The following SCAP variants were observed in gnomAD, a reference collection of about 807,000 sequenced individuals.
The protein encoded by SCAP is sterol regulatory element-binding protein cleavage-activating protein.
SCAP carries 65 observed loss-of-function variants against 123.6 expected under a neutral mutation model. The ratio of observed to expected loss-of-function variants is 0.53; its 90% CI spans 0.43 to 0.65. The LOEUF (loss-of-function observed/expected upper bound fraction) is 0.65. Ranked by LOEUF, SCAP falls within the 30% of genes least tolerant of loss-of-function variation. SCAP has a pLI of 0.00. For synonymous variants in SCAP, 740 were observed against 726.3 expected (o/e 1.02, Z -0.30); for missense variants, 1,398 against 1,712.5 (o/e 0.82, Z 3.24).
At chr3:47,470,271 G>T (rs184165230) in intron 1 of SCAP, among the ~76,000 whole-genome samples, 1 of 152,154 alleles carries the variant, frequency 6.6e-6, no homozygotes, top group African/African-American at 2.4e-5. Flanking sequence ...CAGGTAAGAA[G>T]ATTACTGCAT....
Position 47,461,212 on chromosome 3 carries a change from A to T in SCAP, c.-99+14587T>A, listed in dbSNP as rs565903936. Reference sequence around the variant, plus strand: ...AACCTAAGTGCTATGGGTTCTTGTCAAGTCACAATGTGTGAAGCCTCACAG... The same window carrying T: ...AACCTAAGTGCTATGGGTTCTTGTCTAGTCACAATGTGTGAAGCCTCACAG... On this transcript the variant is annotated intron_variant, in intron 1 of 22. Coordinates refer to ENST00000265565, the MANE Select transcript of SCAP (RefSeq NM_012235.4). Among the ~76,000 whole-genome samples the T allele has an allele frequency of 2.0e-5, 3 of 152,330 alleles. No individual in the cohort carries two copies. The East Asian group carries it at 5.8e-4, about 29-fold the overall frequency.
chr3:47,438,582 G>T (rs1159122199), intron 2 of SCAP, among the ~76,000 whole-genome samples: 2 of 152,270 alleles, frequency 1.3e-5, no homozygotes, highest in Admixed American at 1.3e-4. Context: ...GGGAGGCCGA[G>T]GTGGGTGGGT....
chr3:47,415,072 C>T (rs1168367685), intron 19 of SCAP, 26 bp downstream of exon 19: 2 of 1,586,912 alleles, frequency 1.3e-6, no homozygotes, highest in East Asian at 4.5e-5. Flanking sequence ...CAAGTGTGAA[C>T]ACCTGCCCAC....
At chr3:47,470,867 A>G (rs1708001470) in intron 1 of SCAP, among the ~76,000 whole-genome samples, 1 of 152,144 alleles carries the variant, frequency 6.6e-6, no homozygotes, top group East Asian at 1.9e-4. Context: ...TGTTTCAAGA[A>G]AAAAACAAAA....
At position 47,450,189 on chromosome 3, in the gene SCAP, G is replaced by T. The variant is rs1216752780; in HGVS notation, c.-98-7098C>A. On this transcript the variant is annotated intron_variant, in intron 1 of 22. Transcript: ENST00000265565. The stretch of plus-strand genomic sequence containing the variant: ...ATTTTTATATTTTTGGTAGAAACGG[G>T]GTTTCACCATGTTGGCCAGGCTGGT... Among the ~76,000 whole-genome samples, 3 of 123,548 alleles carry T rather than the reference G, an allele frequency of 2.4e-5. 1 individual carries two copies. The highest frequency in any genetic ancestry group is 8.3e-5 in the African/African-American group (3 of 36,112). 81.1% of individuals were successfully genotyped at this position (123,548 alleles called of 152,430 possible).
chr3:47,428,739 AG>A, intron 3 of SCAP, 69 bp from the exon 4 acceptor site: 1 of 1,559,054 alleles, frequency 6.4e-7, no homozygotes, highest in Non-Finnish European at 8.7e-7. Flanking sequence ...GTCCAATTCA[AG>A]GGATTTAATG....
chr3:47,470,643 A>G (rs1234886107), intron 1 of SCAP, among the ~76,000 whole-genome samples: 1 of 152,238 alleles, frequency 6.6e-6, no homozygotes. Context: ...CAGGCAGATC[A>G]CCGGAGGTCA....
At chr3:47,435,469 T>TACAC (rs57702290) in intron 2 of SCAP, among the ~76,000 whole-genome samples, 2,417 of 91,874 alleles carry the variant, frequency 0.026, 50 homozygotes, top group African/African-American at 0.051. Flanking sequence ...AATATAAACA[T>TACAC]ACACACACAC....
In SCAP at chr3:47,454,292, C is replaced by T. The variant is rs568682671; in HGVS notation, c.-98-11201G>A. 2.6e-4 allele frequency among the ~76,000 whole-genome samples: 39 copies of T among 149,602 alleles called. No individual in the cohort carries two copies. In the South Asian group the frequency reaches 3.4e-3, roughly 13 times the overall value. Reference sequence around the variant, plus strand: ...TGAGGCAGGAGAATGGTGTGAACCCCGGGGGACGGAGCCTGCAGTGAGCAG... The same window carrying T: ...TGAGGCAGGAGAATGGTGTGAACCCTGGGGGACGGAGCCTGCAGTGAGCAG... On this transcript the variant is annotated intron_variant, in intron 1 of 22. Coordinates refer to ENST00000265565, the MANE Select transcript of SCAP (RefSeq NM_012235.4).
At position 47,417,713 on chromosome 3, in the gene SCAP, A is replaced by G. The variant is rs778927789; in HGVS notation, c.2561T>C (p.Leu854Pro). The change falls in exon 17 of 23, where the codon CTG (leucine) becomes CCG (proline). Residue 854 changes from leucine (L) to proline (P), a missense_variant. Transcript: ENST00000265565. ...GPEEPGDSPP[L>P]RHRPRGPPPP... ...CGGAGGGCCCCGGGGGCGGTGTCTC[A>G]GGGGAGGGCTGTCCCCAGGCTCCTC... 6 of 1,607,750 alleles carry G rather than the reference A, an allele frequency of 3.7e-6. No individual in the cohort carries two copies. The highest frequency in any genetic ancestry group is 5.1e-6 in the Non-Finnish European group (6 of 1,178,426).
Position 47,413,827 on chromosome 3 carries a change from T to G in SCAP, c.*27A>C. ...TTGGCCCCCACACAGCACCCCAGCC[T>G]CCTGCCTGGGCAAGGAGGCCCTGCG... On this transcript the variant is annotated 3_prime_UTR_variant, in exon 23 of 23. Coordinates refer to ENST00000265565, the MANE Select transcript of SCAP (RefSeq NM_012235.4). 2 of 1,603,804 alleles carry G rather than the reference T, an allele frequency of 1.2e-6. No individual in the cohort carries two copies. Among genetic ancestry groups the G allele is most frequent in the Non-Finnish European group, 1.7e-6 (2 of 1,174,130 alleles).
At chr3:47,473,962 A>G (rs763889051) in intron 1 of SCAP, among the ~76,000 whole-genome samples, 18 of 152,196 alleles carry the variant, frequency 1.2e-4, no homozygotes, top group African/African-American at 2.2e-4. Context: ...CCGCAACAGC[A>G]AAAGAAAAGA....
At chr3:47,475,168 C>A (rs561238862) in intron 1 of SCAP, among the ~76,000 whole-genome samples, 3 of 152,114 alleles carry the variant, frequency 2.0e-5, no homozygotes, top group Admixed American at 6.6e-5. Context: ...ACTGCCCCCC[C>A]CTCCGCATTC....
At position 47,418,351 on chromosome 3, in the gene SCAP, G is replaced by T. The variant is rs1033297853; in HGVS notation, c.2301C>A (p.Ile767=). The change falls in exon 15 of 23, where the codon ATC becomes ATA. Residue 767 remains isoleucine (I), a synonymous_variant. Coordinates refer to ENST00000265565, the MANE Select transcript of SCAP (RefSeq NM_012235.4). ...DYGYAPPETE[I]VPLVLRGHLM... ...GGTGGCCGCGCAGCACAAGCGGCACGATCTCCGTCTCGGGTGGCGCATAGC... is the reference window on the plus strand; with the variant it reads ...GGTGGCCGCGCAGCACAAGCGGCACTATCTCCGTCTCGGGTGGCGCATAGC... 1.9e-6 allele frequency: 3 copies of T among 1,570,320 alleles called. No individual in the cohort carries two copies. Among genetic ancestry groups the T allele is most frequent in the Admixed American group, 3.7e-5 (2 of 54,010 alleles).
At chr3:47,414,724 T>G in intron 20 of SCAP, 72 bp from the exon 21 acceptor site, 1 of 1,610,302 alleles carries the variant, frequency 6.2e-7, no homozygotes, top group South Asian at 1.1e-5. Context: ...GGAAATGCCC[T>G]CTGTTCTTCA....
chr3:47,447,627 A>G (rs1484906327), intron 1 of SCAP, among the ~76,000 whole-genome samples: 1 of 151,696 alleles, frequency 6.6e-6, no homozygotes, highest in African/African-American at 2.4e-5. Flanking sequence ...GGCGGAGGCC[A>G]CAGTGAGCCA....
chr3:47,414,438 A>G, intron 21 of SCAP, 52 bp from the exon 22 acceptor site: 1 of 1,600,714 alleles, frequency 6.2e-7, no homozygotes, highest in Non-Finnish European at 8.5e-7. Flanking sequence ...TACCTCTGTC[A>G]ACAGTGGTGT....
chr3:47,438,429 A>AGAGAAC (rs10652619), intron 2 of SCAP, among the ~76,000 whole-genome samples: 1 of 152,002 alleles, frequency 6.6e-6, no homozygotes, highest in Non-Finnish European at 1.5e-5. Context: ...AACGACTACA[A>AGAGAAC]GTGATCAGAA....
At chr3:47,466,810 C>T (rs1486196661) in intron 1 of SCAP, among the ~76,000 whole-genome samples, 1 of 152,054 alleles carries the variant, frequency 6.6e-6, no homozygotes, top group East Asian at 1.9e-4. Context: ...TTTGGCCGGG[C>T]GTGGTGGCTC....
Sources: gnomAD v4.1 joint callset for allele counts (sites outside exome capture counted in the v4.1 genomes callset) on GRCh38, gnomAD v4.1.1 for gene constraint, MANE v1.5 for transcripts, NCBI Gene and HGNC (gene_info 2026-07-23, HGNC 2026-07-21) for gene names.